The following CRYBG3 variants were observed in gnomAD, a reference collection of about 807,000 sequenced individuals.
CRYBG3 encodes crystallin beta-gamma domain containing 3.
A neutral mutation model predicts 244.2 loss-of-function variants in CRYBG3; 127 were observed. The observed-to-expected ratio is 0.52, with a 90% CI of 0.45 to 0.60. The LOEUF is 0.60. Among genes scored for constraint, CRYBG3 ranks in the 20% least tolerant of loss-of-function variants. The probability of loss-of-function intolerance (pLI) is 0.00; values close to 1 mark genes in which losing one functional copy is unlikely to be tolerated. For missense variants in CRYBG3, 3,325 were observed against 3,442.5 expected, an observed-to-expected ratio of 0.97 and a Z score of 0.85; for synonymous variants, 1,132 against 1,195.8, an observed-to-expected ratio of 0.95 and a Z score of 1.10.
chr3:97,871,828 C>T lies in CRYBG3; in HGVS notation c.648-14C>T. Reference sequence around the variant, plus strand: ...AATTATATTTCCTGATACTCTCATGCTTTCTTTTTACAGACAAATCGATGG... The same window carrying T: ...AATTATATTTCCTGATACTCTCATGTTTTCTTTTTACAGACAAATCGATGG... On this transcript the variant is annotated splice_polypyrimidine_tract_variant and intron_variant, in intron 3 of 21. Coordinates refer to ENST00000389622, the MANE Select transcript of CRYBG3 (RefSeq NM_153605.4). 6.8e-7 allele frequency: 1 copy of T among 1,466,116 alleles called. No homozygotes were observed. Among genetic ancestry groups the T allele is most frequent in the Non-Finnish European group, 9.0e-7 (1 of 1,116,774 alleles). The allele number at this position is 1,466,116 out of a possible 1,614,324, so 90.8% of individuals were successfully genotyped here.
rs960161877 is a variant in CRYBG3, at chr3:97,875,943, G to T, written c.4749G>T (p.Thr1583=). Residue 1583 remains threonine, a synonymous_variant, in exon 4 of 22, where the codon ACG becomes ACT. Transcript: ENST00000389622. Reference sequence around the variant, plus strand: ...AAATGGATGCTGAATTGAATGTCACGAAAACTGAGCCAAAAGCTAATGTTT... The same window carrying T: ...AAATGGATGCTGAATTGAATGTCACTAAAACTGAGCCAAAAGCTAATGTTT... The part of the protein sequence containing the change: ...IHKMDAELNV[T]KTEPKANVFK... The T allele has an allele frequency of 8.1e-7, 1 of 1,231,922 alleles. No homozygotes were observed. The highest frequency in any genetic ancestry group is 1.0e-6 in the Non-Finnish European group (1 of 987,946). The allele number at this position is 1,231,922 out of a possible 1,614,324, so 76.3% of individuals were successfully genotyped here. A position where few individuals can be genotyped will look rare whatever the true frequency, so the allele number is the denominator to read the frequency against.
intron 2 of CRYBG3, among the ~76,000 whole-genome samples, chr3:97,855,999 T>C (rs183093563): frequency 6.6e-6 from 1 of 152,092 alleles, no homozygotes; most frequent in Non-Finnish European, 1.5e-5. Context: ...AAAAATTTAT[T>C]AGGCGGGAAT....
chr3:97,920,034 T>C lies in CRYBG3; in HGVS notation c.8241+4298T>C, dbSNP rs932320064. Among the ~76,000 whole-genome samples the C allele has an allele frequency of 4.8e-4, 73 of 152,046 alleles. 3 individuals carry two copies. The highest frequency in any genetic ancestry group is 5.9e-5 in the Non-Finnish European group (4 of 67,984). ...ATCCACCTGCCTCAGCCTCCCAAAG[T>C]GCTGGGATTACAGGTACAAACCACT... On this transcript the variant is annotated intron_variant, in intron 17 of 21. Transcript: ENST00000389622.
chr3:97,899,956 A>G (rs1191765941), intron 14 of CRYBG3, among the ~76,000 whole-genome samples: 1 of 152,226 alleles, frequency 6.6e-6, no homozygotes, highest in Non-Finnish European at 1.5e-5. Flanking sequence ...ACTTAATATG[A>G]ATTAGTTATA....
At chr3:97,861,627 C>A (rs1250201779) in intron 2 of CRYBG3, among the ~76,000 whole-genome samples, 2 of 151,964 alleles carry the variant, frequency 1.3e-5, no homozygotes, top group East Asian at 3.9e-4. Flanking sequence ...CACATAATAC[C>A]AAAATCTTGG....
In CRYBG3 at chr3:97,872,470, C is replaced by T; in HGVS notation, c.1276C>T (p.Leu426Phe). The T allele has an allele frequency of 6.5e-7, 1 of 1,535,944 alleles. No homozygotes were observed. Among genetic ancestry groups the T allele is most frequent in the Non-Finnish European group, 8.7e-7 (1 of 1,146,802 alleles). Residue 426 changes from leucine to phenylalanine, a missense_variant, in exon 4 of 22, where the codon CTT becomes TTT. Physicochemically the swap from Leu to Phe is conservative, Grantham distance 22. Coordinates refer to ENST00000389622, the MANE Select transcript of CRYBG3 (RefSeq NM_153605.4). ...TAGGACATTGGTGCAAAGAGAGGAG[C>T]TTGTTGAGCCTCAGGGCCCTGCTAT... ...SNRTLVQREE[L>F]VEPQGPAISD...
At chr3:97,866,862 T>C (rs907343105) in intron 3 of CRYBG3, among the ~76,000 whole-genome samples, 24 of 152,114 alleles carry the variant, frequency 1.6e-4, no homozygotes, top group African/African-American at 5.8e-4. Flanking sequence ...CAAATAATGG[T>C]GGTTCTTGAT....
chr3:97,880,032 C>A lies in CRYBG3; in HGVS notation c.6936C>A (p.Tyr2312Ter), dbSNP rs779305698. The A allele has an allele frequency of 6.2e-7, 1 of 1,602,274 alleles. No individual in the cohort carries two copies. Among genetic ancestry groups the A allele is most frequent in the African/African-American group, 1.3e-5 (1 of 74,730 alleles). Reference protein sequence around the residue: ...LHESTYKQEVYCNIPDATSWS... With the variant: ...LHESTYKQEV ...AAAGTACATATAAACAAGAAGTCTA[C>A]TGTAATATTCCTGATGCTACATCAT... The change falls in exon 6 of 22, where the codon TAC (tyrosine) becomes TAA (stop). Residue 2312 changes from tyrosine (Y) to a stop codon, truncating the protein, a stop_gained. Transcript: ENST00000389622. LOFTEE classifies it high-confidence loss of function.
chr3:97,833,511 A>G lies in CRYBG3; in HGVS notation c.150-9684A>G, dbSNP rs946826022. 7.9e-5 allele frequency among the ~76,000 whole-genome samples: 12 copies of G among 152,234 alleles called. No individual in the cohort carries two copies. In the South Asian group the frequency reaches 2.1e-3, roughly 26 times the overall value. ...CTTACTCATAAGTGGGAGTTGAACAATGAGAACACATGGACACAGGGAGGG... is the reference window on the plus strand; with the variant it reads ...CTTACTCATAAGTGGGAGTTGAACAGTGAGAACACATGGACACAGGGAGGG... On this transcript the variant is annotated intron_variant, in intron 1 of 21. Transcript: ENST00000389622.
At chr3:97,884,261 G>A (rs1264936914) in intron 7 of CRYBG3, among the ~76,000 whole-genome samples, 1 of 152,072 alleles carries the variant, frequency 6.6e-6, no homozygotes, top group African/African-American at 2.4e-5. Context: ...GGGGGTGAAG[G>A]TAGTAGTGTG....
Position 97,872,640 on chromosome 3 carries a change from C to T in CRYBG3, c.1446C>T (p.Ser482=), listed in dbSNP as rs2039319119. ...SECSDKQTID[S]SSKQAATHTN... ...GTTCTGACAAGCAAACCATAGATAGCTCATCAAAGCAAGCTGCCACTCACA... is the reference window on the plus strand; with the variant it reads ...GTTCTGACAAGCAAACCATAGATAGTTCATCAAAGCAAGCTGCCACTCACA... Residue 482 remains serine (S), a synonymous_variant, in exon 4 of 22, where the codon AGC becomes AGT. Transcript: ENST00000389622. The T allele has an allele frequency of 6.5e-7, 1 of 1,535,854 alleles. No homozygotes were observed. The highest frequency in any genetic ancestry group is 8.7e-7 in the Non-Finnish European group (1 of 1,146,728).
At chr3:97,912,140 T>G (rs1394378336) in intron 15 of CRYBG3, 27 bp from the exon 16 acceptor site, 3 of 1,270,180 alleles carry the variant, frequency 2.4e-6, no homozygotes, top group Middle Eastern at 1.9e-4. Context: ...TTTTTTCTAT[T>G]TAACTGTTGT....
In CRYBG3 at chr3:97,822,038, G is replaced by A; in HGVS notation, c.-169G>A. 6.5e-6 allele frequency: 3 copies of A among 458,972 alleles called. No homozygotes were observed. Among genetic ancestry groups the A allele is most frequent in the Non-Finnish European group, 7.1e-6 (2 of 279,814 alleles). 28.4% of individuals were successfully genotyped at this position (458,972 alleles called of 1,614,324 possible). A position where few individuals can be genotyped will look rare whatever the true frequency, so the allele number is the denominator to read the frequency against. ...CGTGAGGAGCTGCCGCGCGAGGAGC[G>A]CGTCGCGTCCGCACTTCTCCTGCCC... On this transcript the variant is annotated 5_prime_UTR_variant, in exon 1 of 22. Transcript: ENST00000389622.
chr3:97,842,143 C>T (rs1353469575), intron 1 of CRYBG3, among the ~76,000 whole-genome samples: 1 of 152,058 alleles, frequency 6.6e-6, no homozygotes, highest in Non-Finnish European at 1.5e-5. Context: ...ATTTTTATAT[C>T]CTTAAGGCTA....
At chr3:97,942,675 G>A in intron 21 of CRYBG3, 2 of 389,694 alleles carry the variant, frequency 5.1e-6, no homozygotes, top group Non-Finnish European at 9.1e-6. Context: ...ACTTTCATTT[G>A]CTACGTGAAC....
chr3:97,861,474 T>C (rs2039147001), intron 2 of CRYBG3, among the ~76,000 whole-genome samples: 1 of 152,166 alleles, frequency 6.6e-6, no homozygotes, highest in Non-Finnish European at 1.5e-5. Flanking sequence ...TTTTGTTGCG[T>C]TGGGCCCCAA....
At position 97,872,669 on chromosome 3, in the gene CRYBG3, A is replaced by G. The variant is rs1211084752; in HGVS notation, c.1475A>G (p.Asn492Ser). 6.5e-6 allele frequency: 10 copies of G among 1,535,946 alleles called. No homozygotes were observed. The highest frequency in any genetic ancestry group is 1.2e-5 in the South Asian group (1 of 84,060). Residue 492 changes from asparagine to serine, a missense_variant, in exon 4 of 22, where the codon AAT becomes AGT. Physicochemically the swap from Asn to Ser is conservative, Grantham distance 46. Around this residue, in one of 4 missense-constraint regions of CRYBG3, gnomAD observed 1,526 missense variants for 1,443.2 expected, o/e 1.06. Transcript: ENST00000389622. ...SSSKQAATHTNIIALQRHAVT... is the reference protein window; with the variant it reads ...SSSKQAATHTSIIALQRHAVT... ...TCAAAGCAAGCTGCCACTCACACCA[A>G]TATCATTGCTCTTCAGAGACATGCT...
intron 3 of CRYBG3, among the ~76,000 whole-genome samples, chr3:97,870,342 G>A (rs1302842337): frequency 1.3e-5 from 2 of 151,844 alleles, no homozygotes; most frequent in Non-Finnish European, 2.9e-5. Flanking sequence ...CCCTTCTTTG[G>A]GTCTATGTGT....
intron 2 of CRYBG3, among the ~76,000 whole-genome samples, chr3:97,852,007 A>C (rs186212798): frequency 1.9e-4 from 29 of 152,316 alleles, no homozygotes; most frequent in Non-Finnish European, 3.2e-4. Context: ...AGAAGGAAGA[A>C]AGGAGACATA....
Sources: allele counts gnomAD v4.1 joint callset (sites outside exome capture counted in the v4.1 genomes callset), GRCh38; gene constraint gnomAD v4.1.1; regional missense constraint gnomAD v4.1.1; transcripts MANE v1.5; gene names NCBI Gene and HGNC (gene_info 2026-07-23, HGNC 2026-07-21).